SPIDR: variants seen among roughly 807,000 people sequenced by gnomAD.
SPIDR encodes scaffold protein involved in DNA repair, also known as DNA repair-scaffolding protein.
A neutral mutation model predicts 104.6 loss-of-function variants in SPIDR; 93 were observed. The observed-to-expected ratio is 0.89, with a 90% CI of 0.75 to 1.06. The LOEUF (loss-of-function observed/expected upper bound fraction) is 1.06. Among genes scored for constraint, SPIDR ranks in the 50% least tolerant of loss-of-function variants. The pLI is 0.00. For synonymous variants in SPIDR, 431 were observed against 416.9 expected (o/e 1.03, Z -0.41); for missense variants, 1,154 against 1,111.2 (o/e 1.04, Z -0.55).
chr8:47,363,703 T>A (rs2056623186), intron 5 of SPIDR, among the ~76,000 whole-genome samples: 1 of 152,040 alleles, frequency 6.6e-6, no homozygotes, highest in Non-Finnish European at 1.5e-5. Flanking sequence ...ATACTCCCTT[T>A]CTGATTTTGC....
intron 5 of SPIDR, among the ~76,000 whole-genome samples, chr8:47,381,011 A>G (rs782165567): frequency 1.4e-4 from 21 of 152,198 alleles, no homozygotes; most frequent in Admixed American, 2.0e-4. Flanking sequence ...TGGGAGTCCA[A>G]TATACTCTTT....
chr8:47,561,064 C>T (rs2057007416), intron 8 of SPIDR, among the ~76,000 whole-genome samples: 1 of 152,166 alleles, frequency 6.6e-6, no homozygotes, highest in South Asian at 2.1e-4. Flanking sequence ...TTCACAGAGC[C>T]ACCAGGATGC....
At chr8:47,697,252 C>A (rs1337246592) in intron 11 of SPIDR, among the ~76,000 whole-genome samples, 1 of 150,906 alleles carries the variant, frequency 6.6e-6, no homozygotes, top group Non-Finnish European at 1.5e-5. Context: ...TTGCTCCACT[C>A]CAGCCTGGAT....
chr8:47,627,399 A>G (rs2066347356), intron 10 of SPIDR, among the ~76,000 whole-genome samples: 1 of 152,154 alleles, frequency 6.6e-6, no homozygotes. Context: ...AATAATAAAA[A>G]TTTAAAAAAA....
At chr8:47,506,841 A>ATT (rs1286814492) in intron 8 of SPIDR, among the ~76,000 whole-genome samples, 4 of 152,154 alleles carry the variant, frequency 2.6e-5, no homozygotes, top group African/African-American at 9.7e-5. Flanking sequence ...TTAACCGGTT[A>ATT]TTATGTAGCA....
At chr8:47,624,024 A>T (rs1588508894) in intron 10 of SPIDR, among the ~76,000 whole-genome samples, 2 of 152,148 alleles carry the variant, frequency 1.3e-5, no homozygotes, top group Admixed American at 6.5e-5. Context: ...AACAGAAATT[A>T]TAACAAACTG....
intron 8 of SPIDR, among the ~76,000 whole-genome samples, chr8:47,564,979 G>T (rs756642844): frequency 3.3e-5 from 5 of 152,210 alleles, no homozygotes; most frequent in Admixed American, 6.5e-5. Flanking sequence ...AGGCACACTC[G>T]CTCATGCCTG....
At chr8:47,602,573 G>A (rs758317616) in intron 10 of SPIDR, among the ~76,000 whole-genome samples, 13 of 152,142 alleles carry the variant, frequency 8.5e-5, no homozygotes, top group Non-Finnish European at 1.9e-4. Flanking sequence ...CCCAGCCCAG[G>A]TCAGGTGGTT....
At chr8:47,626,495 A>G (rs1217475208) in intron 10 of SPIDR, among the ~76,000 whole-genome samples, 1 of 152,246 alleles carries the variant, frequency 6.6e-6, no homozygotes, top group African/African-American at 2.4e-5. Context: ...CTCATCTGAC[A>G]AAGGGCTAAT....
chr8:47,613,220 A>T (rs2063827456), intron 10 of SPIDR, among the ~76,000 whole-genome samples: 1 of 152,194 alleles, frequency 6.6e-6, no homozygotes, highest in Non-Finnish European at 1.5e-5. Context: ...GTCTATTCTG[A>T]ATATTTCATA....
At chr8:47,436,284 T>C (rs2068305461) in intron 7 of SPIDR, among the ~76,000 whole-genome samples, 1 of 152,242 alleles carries the variant, frequency 6.6e-6, no homozygotes. Context: ...AAACACTTCC[T>C]GGACAAGGTG....
At chr8:47,588,759 T>A (rs2060606492) in intron 8 of SPIDR, among the ~76,000 whole-genome samples, 1 of 152,158 alleles carries the variant, frequency 6.6e-6, no homozygotes, top group South Asian at 2.1e-4. Flanking sequence ...ATTTCAGAGG[T>A]TTTTTAAAAT....
intron 8 of SPIDR, among the ~76,000 whole-genome samples, chr8:47,489,287 A>T (rs1182240841): frequency 6.6e-6 from 1 of 152,248 alleles, no homozygotes; most frequent in African/African-American, 2.4e-5. Context: ...TGGGAATCCA[A>T]CTTACAAGGG....
chr8:47,309,353 T>C (rs1378408496), intron 5 of SPIDR, among the ~76,000 whole-genome samples: 13 of 152,226 alleles, frequency 8.5e-5, no homozygotes, highest in Admixed American at 8.5e-4. Context: ...TATTTTATAT[T>C]ATAACTCATG....
chr8:47,603,533 C>T (rs2062560440), intron 10 of SPIDR, among the ~76,000 whole-genome samples: 1 of 151,620 alleles, frequency 6.6e-6, no homozygotes, highest in Admixed American at 6.6e-5. Context: ...GTTGGAACCA[C>T]AGGCACGTGC....
At chr8:47,570,592 A>C (rs1017945692) in intron 8 of SPIDR, among the ~76,000 whole-genome samples, 4 of 152,206 alleles carry the variant, frequency 2.6e-5, no homozygotes, top group African/African-American at 4.8e-5. Context: ...TTGTGCTTCA[A>C]AAGACACTAT....
At chr8:47,642,014 A>T (rs967403044) in intron 10 of SPIDR, among the ~76,000 whole-genome samples, 3 of 152,050 alleles carry the variant, frequency 2.0e-5, no homozygotes, top group African/African-American at 7.2e-5. Context: ...GCCAGAGTGG[A>T]CTCTGCGCAC....
chr8:47,263,745 G>T (rs1191367920), intron 1 of SPIDR, among the ~76,000 whole-genome samples: 2 of 152,114 alleles, frequency 1.3e-5, no homozygotes, highest in Non-Finnish European at 2.9e-5. Context: ...CATTTCTGCT[G>T]ATTGGAATCT....
At chr8:47,722,919 A>G (rs145118465) in intron 16 of SPIDR, among the ~76,000 whole-genome samples, 250 of 152,140 alleles carry the variant, frequency 1.6e-3, no homozygotes, top group African/African-American at 5.8e-3. Context: ...GCTAACTGCA[A>G]CCTTGAACTC....
Sources: gnomAD v4.1 joint callset for allele counts (sites outside exome capture counted in the v4.1 genomes callset) on GRCh38, gnomAD v4.1.1 for gene constraint, MANE v1.5 for transcripts, NCBI Gene and HGNC (gene_info 2026-07-23, HGNC 2026-07-21) for gene names.